Variants in ASPRV1 observed in about 807,000 individuals in gnomAD.
ASPRV1 encodes the protein aspartic peptidase retroviral like 1.
ASPRV1 carries 7 observed loss-of-function variants against 11.0 expected under a neutral mutation model. The ratio of observed to expected loss-of-function variants is 0.64; its 90% CI spans 0.36 to 1.20. The LOEUF (loss-of-function observed/expected upper bound fraction) is 1.20. ASPRV1 is among the 50% of genes most tolerant of loss of function. The probability of loss-of-function intolerance (pLI) is 0.02; values close to 1 mark genes in which losing one functional copy is unlikely to be tolerated. For synonymous variants in ASPRV1, 136 were observed against 138.4 expected (o/e 0.98, Z 0.12); for missense variants, 299 against 320.0 (o/e 0.93, Z 0.50).
chr2:69,936,548 T>G, the ASPRV1 span, among the ~76,000 whole-genome samples: 12 of 152,208 alleles, frequency 7.9e-5, no homozygotes, highest in Admixed American at 7.9e-4. Flanking sequence ...GTTAGAAGCC[T>G]GCATTCATGA....
At chr2:69,972,427 G>A in the ASPRV1 span, among the ~76,000 whole-genome samples, 14 of 149,864 alleles carry the variant, frequency 9.3e-5, no homozygotes, top group African/African-American at 3.2e-4. Flanking sequence ...GCGTGATCTC[G>A]GCTCACTGCA....
the ASPRV1 span, among the ~76,000 whole-genome samples, chr2:69,949,647 C>T: frequency 6.6e-6 from 1 of 152,208 alleles, no homozygotes; most frequent in Non-Finnish European, 1.5e-5. Context: ...AATTTTAATG[C>T]AGCATGAAGG....
the ASPRV1 span, among the ~76,000 whole-genome samples, chr2:69,978,953 G>C: frequency 6.6e-6 from 1 of 152,070 alleles, no homozygotes; most frequent in African/African-American, 2.4e-5. Flanking sequence ...TTCAATGGTT[G>C]CATTTTTCCT....
the ASPRV1 span, among the ~76,000 whole-genome samples, chr2:70,001,179 T>A: frequency 3.3e-5 from 5 of 151,824 alleles, no homozygotes; most frequent in East Asian, 1.9e-4. Context: ...AAAAAAAAAA[T>A]TAAAGTATTG....
the ASPRV1 span, among the ~76,000 whole-genome samples, chr2:70,084,659 G>A: frequency 6.6e-6 from 1 of 152,180 alleles, no homozygotes; most frequent in South Asian, 2.1e-4. Context: ...AATTACCCAA[G>A]TACATATACT....
At chr2:70,052,158 T>C in the ASPRV1 span, among the ~76,000 whole-genome samples, 1 of 152,016 alleles carries the variant, frequency 6.6e-6, no homozygotes, top group African/African-American at 2.4e-5. Context: ...CTAAATGCTA[T>C]AGAGAAAAAT....
At chr2:70,061,844 T>A in the ASPRV1 span, among the ~76,000 whole-genome samples, 1 of 151,434 alleles carries the variant, frequency 6.6e-6, no homozygotes, top group Non-Finnish European at 1.5e-5. Context: ...ACGCCTGCAT[T>A]CCTAGCTACT....
chr2:69,977,484 A>G, the ASPRV1 span, among the ~76,000 whole-genome samples: 1 of 152,172 alleles, frequency 6.6e-6, no homozygotes, highest in Non-Finnish European at 1.5e-5. Flanking sequence ...CAGGAACCTC[A>G]TGTTCCAAAC....
At chr2:70,053,748 A>C in the ASPRV1 span, 1 of 136,362 alleles carries the variant, frequency 7.3e-6, no homozygotes, top group Non-Finnish European at 1.5e-5. Context: ...TTCAGCAGGA[A>C]ACATCACACT....
the ASPRV1 span, among the ~76,000 whole-genome samples, chr2:70,084,929 T>C: frequency 4.9e-3 from 739 of 152,310 alleles, 5 homozygotes; most frequent in African/African-American, 0.017. Context: ...ATATATCTGA[T>C]AGTAACATAA....
the ASPRV1 span, among the ~76,000 whole-genome samples, chr2:70,025,093 GTTA>G: frequency 3.3e-5 from 5 of 152,118 alleles, no homozygotes; most frequent in Admixed American, 2.0e-4. Context: ...ATTTAAATTT[GTTA>G]TTATTTTCAT....
downstream of ASPRV1, among the ~76,000 whole-genome samples, chr2:69,955,127 G>A (rs1338025583): frequency 2.0e-5 from 3 of 152,238 alleles, no homozygotes; most frequent in Non-Finnish European, 1.5e-5. Flanking sequence ...CAATACAGGA[G>A]CAGTGACTGA....
the ASPRV1 span, among the ~76,000 whole-genome samples, chr2:70,042,458 G>C: frequency 6.6e-6 from 1 of 152,196 alleles, no homozygotes; most frequent in African/African-American, 2.4e-5. Flanking sequence ...GTGAGGGACT[G>C]ACAGCAGGGC....
At chr2:69,977,101 A>C in the ASPRV1 span, among the ~76,000 whole-genome samples, 5 of 152,074 alleles carry the variant, frequency 3.3e-5, no homozygotes, top group Non-Finnish European at 7.4e-5. Context: ...CTGAGGCAGG[A>C]GAATCACTTG....
At chr2:70,080,454 T>C in the ASPRV1 span, among the ~76,000 whole-genome samples, 1 of 152,212 alleles carries the variant, frequency 6.6e-6, no homozygotes, top group Admixed American at 6.5e-5. Context: ...CTCGAACTCC[T>C]GACCTCAGGT....
the ASPRV1 span, chr2:70,053,732 T>G: frequency 6.8e-6 from 1 of 147,094 alleles, no homozygotes; most frequent in Non-Finnish European, 1.5e-5. Context: ...CTCTCTTACC[T>G]GTGCTTTCAG....
At chr2:70,066,002 G>A in the ASPRV1 span, among the ~76,000 whole-genome samples, 19 of 152,062 alleles carry the variant, frequency 1.2e-4, no homozygotes, top group Admixed American at 2.6e-4. Flanking sequence ...GAGGCCAGGA[G>A]GTCGAGACCA....
At chr2:70,072,898 A>G in the ASPRV1 span, among the ~76,000 whole-genome samples, 3 of 144,738 alleles carry the variant, frequency 2.1e-5, no homozygotes, top group Admixed American at 6.9e-5. Flanking sequence ...TAAAAAACTA[A>G]AAAAAAAAAA....
At chr2:70,001,192 ATAGT>A in the ASPRV1 span, among the ~76,000 whole-genome samples, 1 of 152,094 alleles carries the variant, frequency 6.6e-6, no homozygotes, top group African/African-American at 2.4e-5. Flanking sequence ...AAGTATTGAG[ATAGT>A]TTGTTTGAAT....
Sources: gnomAD v4.1 joint callset for allele counts (sites outside exome capture counted in the v4.1 genomes callset) on GRCh38, gnomAD v4.1.1 for gene constraint, MANE v1.5 for transcripts, NCBI Gene and HGNC (gene_info 2026-07-23, HGNC 2026-07-21) for gene names.